The following TMEM44 variants were observed in gnomAD, a reference collection of about 807,000 sequenced individuals.
TMEM44 encodes the protein transmembrane protein 44.
Under a neutral mutation model 47.8 loss-of-function variants are expected in TMEM44, and 43 were observed. That is an observed-to-expected ratio of 0.90 (90% CI 0.70 to 1.16). TMEM44 has a LOEUF of 1.16. TMEM44 is among the 50% of genes most tolerant of loss of function. The probability of loss-of-function intolerance (pLI) is 0.00; values close to 1 mark genes in which losing one functional copy is unlikely to be tolerated. For missense variants in TMEM44, 568 were observed against 555.2 expected (o/e 1.02, Z -0.23); for synonymous variants, 277 against 238.8 (o/e 1.16, Z -1.48).
At chr3:194,600,773 G>A (rs529238248) in intron 9 of TMEM44, among the ~76,000 whole-genome samples, 26 of 151,936 alleles carry the variant, frequency 1.7e-4, no homozygotes, top group Non-Finnish European at 3.1e-4. Flanking sequence ...AGAAGAAGAA[G>A]AAGAACAGAA....
At chr3:194,592,619 A>AC (rs1484556006) in intron 9 of TMEM44, among the ~76,000 whole-genome samples, 1 of 148,666 alleles carries the variant, frequency 6.7e-6, no homozygotes, top group Non-Finnish European at 1.5e-5. Flanking sequence ...TCTCATTTTG[A>AC]CTTTTTTTTT....
chr3:194,628,112 A>G (rs1717363943), intron 2 of TMEM44, among the ~76,000 whole-genome samples: 1 of 152,208 alleles, frequency 6.6e-6, no homozygotes, highest in Admixed American at 6.5e-5. Context: ...TCGGCCTCCC[A>G]AAGTGTTGAT....
At chr3:194,615,095 A>G (rs1244467429) in intron 7 of TMEM44, among the ~76,000 whole-genome samples, 1 of 152,064 alleles carries the variant, frequency 6.6e-6, no homozygotes, top group Non-Finnish European at 1.5e-5. Flanking sequence ...ACAAAATATT[A>G]GCCGGGCGTG....
At chr3:194,592,519 C>T (rs1228725439) in intron 9 of TMEM44, among the ~76,000 whole-genome samples, 2 of 152,184 alleles carry the variant, frequency 1.3e-5, no homozygotes, top group African/African-American at 4.8e-5. Flanking sequence ...CTTGGAGTCC[C>T]TATTACTTGG....
chr3:194,607,859 C>T (rs545376260), intron 8 of TMEM44, among the ~76,000 whole-genome samples: 1 of 152,104 alleles, frequency 6.6e-6, no homozygotes. Context: ...CAGTGGGGCT[C>T]GGGGCTCCCT....
intron 9 of TMEM44, among the ~76,000 whole-genome samples, chr3:194,598,180 T>C (rs1713645624): frequency 6.6e-6 from 1 of 152,124 alleles, no homozygotes; most frequent in Non-Finnish European, 1.5e-5. Flanking sequence ...CATGACATGA[T>C]TCGTCTGGTA....
chr3:194,607,546 C>T lies in TMEM44; in HGVS notation c.1018-3101G>A, dbSNP rs188645712. Among the ~76,000 whole-genome samples the T allele has an allele frequency of 1.4e-4, 21 of 152,276 alleles. No homozygotes were observed. In the East Asian group the frequency reaches 2.9e-3, roughly 21 times the overall value. On this transcript the variant is annotated intron_variant, in intron 8 of 9. Transcript: ENST00000347147. ...AGCATAGAGGTCAATGGCACAAACT[C>T]GGGTAGAGACAGGTCTGAATCCGGT...
At chr3:194,620,449 A>T (rs1180214523) in intron 5 of TMEM44, among the ~76,000 whole-genome samples, 1 of 152,078 alleles carries the variant, frequency 6.6e-6, no homozygotes, top group Non-Finnish European at 1.5e-5. Context: ...TTTCCAGGCC[A>T]GATTAGATTG....
chr3:194,631,212 G>A (rs768356398), intron 1 of TMEM44, among the ~76,000 whole-genome samples: 14 of 151,514 alleles, frequency 9.2e-5, no homozygotes, highest in South Asian at 2.1e-4. Flanking sequence ...ATATGTTGTC[G>A]TACCTGCCTT....
intron 3 of TMEM44, 85 bp from the exon 4 acceptor site, chr3:194,623,780 G>A: frequency 1.3e-6 from 2 of 1,556,398 alleles, no homozygotes; most frequent in African/African-American, 1.4e-5. Context: ...ACTGGTGTCA[G>A]CTCCCCACAT....
chr3:194,593,953 G>T (rs1713060361), intron 9 of TMEM44, among the ~76,000 whole-genome samples: 1 of 152,084 alleles, frequency 6.6e-6, no homozygotes, highest in Non-Finnish European at 1.5e-5. Context: ...TGGGACTACA[G>T]GTGTGTACCA....
intron 1 of TMEM44, among the ~76,000 whole-genome samples, chr3:194,630,639 T>C (rs533793396): frequency 4.0e-5 from 4 of 100,310 alleles, no homozygotes; most frequent in Admixed American, 3.8e-4. Context: ...CCTGAAATAG[T>C]ATGCTGTCGT....
chr3:194,625,712 C>T (rs977391080), intron 3 of TMEM44, among the ~76,000 whole-genome samples, 185 bp downstream of exon 3: 1 of 152,188 alleles, frequency 6.6e-6, no homozygotes, highest in African/African-American at 2.4e-5. Flanking sequence ...GATCTCCTGA[C>T]CTCATGATCT....
chr3:194,602,458 C>T (rs547024727), intron 9 of TMEM44, among the ~76,000 whole-genome samples: 8 of 152,152 alleles, frequency 5.3e-5, no homozygotes, highest in African/African-American at 1.7e-4. Context: ...AAAAATTAGC[C>T]GGGCGTGGTG....
chr3:194,610,086 G>A (rs2109181917), intron 8 of TMEM44, among the ~76,000 whole-genome samples: 1 of 152,154 alleles, frequency 6.6e-6, no homozygotes, highest in South Asian at 2.1e-4. Context: ...AATTAGCTGG[G>A]CGTGGTGGCA....
chr3:194,628,005 T>C (rs912994702), intron 2 of TMEM44, among the ~76,000 whole-genome samples: 9 of 151,358 alleles, frequency 5.9e-5, no homozygotes, highest in Admixed American at 4.6e-4. Flanking sequence ...AAAAAAAAAG[T>C]CACCTTCTCA....
At chr3:194,625,712 C>CTT (rs1717090399) in intron 3 of TMEM44, among the ~76,000 whole-genome samples, 185 bp downstream of exon 3, 1 of 152,188 alleles carries the variant, frequency 6.6e-6, no homozygotes, top group Non-Finnish European at 1.5e-5. Context: ...GATCTCCTGA[C>CTT]CTCATGATCT....
At chr3:194,617,612 T>C (rs1438141760) in intron 5 of TMEM44, 2 of 701,702 alleles carry the variant, frequency 2.9e-6, no homozygotes, top group South Asian at 1.5e-5. Context: ...AGAGAGCTCC[T>C]GAGGGCTGGG....
chr3:194,601,937 A>G (rs1461397242), intron 9 of TMEM44, among the ~76,000 whole-genome samples: 1 of 152,174 alleles, frequency 6.6e-6, no homozygotes, highest in Non-Finnish European at 1.5e-5. Flanking sequence ...TTGTTTCCAC[A>G]GAACAAATGT....
Sources: gnomAD v4.1 joint callset for allele counts (sites outside exome capture counted in the v4.1 genomes callset) on GRCh38, gnomAD v4.1.1 for gene constraint, MANE v1.5 for transcripts, NCBI Gene and HGNC (gene_info 2026-07-23, HGNC 2026-07-21) for gene names.